Variants in NMBR observed in about 807,000 individuals in gnomAD.
NMBR encodes neuromedin-B receptor.
A neutral mutation model predicts 20.5 loss-of-function variants in NMBR; 16 were observed. The observed-to-expected ratio is 0.78, with a 90% confidence interval of 0.53 to 1.19. The LOEUF is 1.19. Ranked by LOEUF, NMBR falls within the 50% of genes most tolerant of loss-of-function variation. The pLI is 0.00. For missense variants in NMBR, 582 were observed against 499.1 expected (o/e 1.17, Z -1.58); for synonymous variants, 212 against 196.6 (o/e 1.08, Z -0.65).
intron 1 of NMBR, among the ~76,000 whole-genome samples, chr6:142,115,101 C>G (rs191004330): frequency 6.6e-6 from 1 of 152,094 alleles, no homozygotes; most frequent in African/African-American, 2.4e-5. Flanking sequence ...TCAGGACTTT[C>G]TGCTCAAATC....
chr6:142,081,476 C>T (rs1354055231), intron 2 of NMBR, among the ~76,000 whole-genome samples: 1 of 152,072 alleles, frequency 6.6e-6, no homozygotes, highest in Non-Finnish European at 1.5e-5. Flanking sequence ...TGAGCCACCT[C>T]CTGCAAGAAA....
At chr6:142,081,554 C>T (rs1005414479) in intron 2 of NMBR, among the ~76,000 whole-genome samples, 1 of 152,030 alleles carries the variant, frequency 6.6e-6, no homozygotes, top group African/African-American at 2.4e-5. Context: ...GAAAATCCTA[C>T]AAAAACAGAA....
At chr6:142,102,712 T>C (rs1777586892) in intron 1 of NMBR, among the ~76,000 whole-genome samples, 1 of 152,178 alleles carries the variant, frequency 6.6e-6, no homozygotes, top group Admixed American at 6.5e-5. Context: ...TTCTCACTAA[T>C]TATGAGGCAA....
At position 142,105,323 on chromosome 6, in the gene NMBR, T is replaced by A. The variant is rs559162538; in HGVS notation, c.-663-16002A>T. Among the ~76,000 whole-genome samples the A allele has an allele frequency of 2.6e-5, 4 of 152,296 alleles. No individual in the cohort carries two copies. The East Asian group carries it at 7.7e-4, about 29-fold the overall frequency. On this transcript the variant is annotated intron_variant, in intron 1 of 3. Transcript: ENST00000258042. Reference sequence around the variant, plus strand: ...GTCACAGGCGATATGATGGCTTAGCTTGGGCTCAGAGGCCTGACAATTAAT... The same window carrying A: ...GTCACAGGCGATATGATGGCTTAGCATGGGCTCAGAGGCCTGACAATTAAT...
At chr6:142,124,559 T>G (rs928695486) in intron 1 of NMBR, among the ~76,000 whole-genome samples, 1 of 151,886 alleles carries the variant, frequency 6.6e-6, no homozygotes, top group Non-Finnish European at 1.5e-5. Context: ...AAATGCACTC[T>G]CAAGTCTTCT....
intron 1 of NMBR, among the ~76,000 whole-genome samples, chr6:142,113,965 A>G (rs1220254971): frequency 6.6e-6 from 1 of 152,168 alleles, no homozygotes; most frequent in Non-Finnish European, 1.5e-5. Flanking sequence ...TGTAACAGAA[A>G]TCATCCTTTT....
chr6:142,087,456 T>A (rs1313794531), intron 2 of NMBR, among the ~76,000 whole-genome samples: 1 of 152,226 alleles, frequency 6.6e-6, no homozygotes, highest in Non-Finnish European at 1.5e-5. Flanking sequence ...GACTTGGATT[T>A]TCCTCCCTGG....
intron 1 of NMBR, among the ~76,000 whole-genome samples, chr6:142,118,075 A>G (rs2114595433): frequency 6.6e-6 from 1 of 152,098 alleles, no homozygotes; most frequent in Non-Finnish European, 1.5e-5. Flanking sequence ...GAAAAAAAGA[A>G]AAGAAAACTG....
chr6:142,082,622 A>G (rs926290012), intron 2 of NMBR, among the ~76,000 whole-genome samples: 3 of 152,204 alleles, frequency 2.0e-5, no homozygotes, highest in Non-Finnish European at 2.9e-5. Context: ...AGCCGGGTTT[A>G]GAAACCATGT....
intron 1 of NMBR, among the ~76,000 whole-genome samples, chr6:142,097,516 T>G (rs188426015): frequency 6.6e-6 from 1 of 152,216 alleles, no homozygotes; most frequent in Admixed American, 6.6e-5. Flanking sequence ...TAAGTGAAAA[T>G]GCTCCTCGAC....
rs1355824886 is a variant in NMBR at position 142,088,974 on chromosome 6, C to A, written c.-316G>T. 1.3e-5 allele frequency among the ~76,000 whole-genome samples: 2 copies of A among 151,734 alleles called. No individual in the cohort carries two copies. Among genetic ancestry groups the A allele is most frequent in the African/African-American group, 4.8e-5 (2 of 41,298 alleles). ...GTGGTTTGTTCTCGCGGTTATCTAGCGGAAAACAGCCTTTCAGGAACAAGG... is the reference window on the plus strand; with the variant it reads ...GTGGTTTGTTCTCGCGGTTATCTAGAGGAAAACAGCCTTTCAGGAACAAGG... On this transcript the variant is annotated 5_prime_UTR_variant, in exon 2 of 4. Transcript: ENST00000258042.
chr6:142,079,154 G>GAAAGAAAAAGAA (rs1562390312), intron 2 of NMBR, among the ~76,000 whole-genome samples: 4 of 76,544 alleles, frequency 5.2e-5, no homozygotes, highest in African/African-American at 2.9e-4. Flanking sequence ...AAAGAAGAGA[G>GAAAGAAAAAGAA]GAGAGGAGAG....
In NMBR at chr6:142,099,888, A is replaced by G. The variant is rs188469113; in HGVS notation, c.-663-10567T>C. On this transcript the variant is annotated intron_variant, in intron 1 of 3. Transcript: ENST00000258042. ...CATCAGTAAAAAAATAAAAAATCCA[A>G]TGAAAAAGAGGACAAAACACCTTAA... Among the ~76,000 whole-genome samples, 583 of 152,302 alleles carry G rather than the reference A, an allele frequency of 3.8e-3. 4 individuals are homozygous for G. Among genetic ancestry groups the G allele is most frequent in the African/African-American group, 0.013 (527 of 41,562 alleles).
intron 1 of NMBR, among the ~76,000 whole-genome samples, chr6:142,112,383 G>A (rs1203290083): frequency 6.6e-6 from 1 of 152,112 alleles, no homozygotes; most frequent in Non-Finnish European, 1.5e-5. Context: ...GAACAACTAG[G>A]CTTAGTTTTC....
chr6:142,145,927 T>C (rs1778424709), intron 1 of NMBR, among the ~76,000 whole-genome samples: 1 of 152,094 alleles, frequency 6.6e-6, no homozygotes, highest in East Asian at 1.9e-4. Context: ...CAAGAAGTAA[T>C]AGGAAACAAA....
rs555708739 is a variant in NMBR, at chr6:142,129,235, G to A, written c.-664+17809C>T. Among the ~76,000 whole-genome samples the A allele has an allele frequency of 3.0e-3, 459 of 151,950 alleles. 1 individual carries two copies. The highest frequency in any genetic ancestry group is 0.011 in the African/African-American group (445 of 41,470). On this transcript the variant is annotated intron_variant, in intron 1 of 3. Transcript: ENST00000258042. ...TTTAGAATAGTACTGGCATATAGTA[G>A]TGATTAATAAATGTCAGCAACTTTT...
intron 1 of NMBR, among the ~76,000 whole-genome samples, chr6:142,138,347 C>T (rs191531274): frequency 7.9e-5 from 12 of 152,180 alleles, no homozygotes; most frequent in Admixed American, 3.3e-4. Context: ...CATGAAAGCA[C>T]AGGAGAAAAT....
chr6:142,083,977 T>C (rs1243297557), intron 2 of NMBR, among the ~76,000 whole-genome samples: 2 of 152,166 alleles, frequency 1.3e-5, no homozygotes, highest in African/African-American at 4.8e-5. Flanking sequence ...TTGGTGCCAA[T>C]CTCACTACCA....
At position 142,083,959 on chromosome 6, in the gene NMBR, G is replaced by T. The variant is rs372377081; in HGVS notation, c.422+4278C>A. 2.0e-5 allele frequency among the ~76,000 whole-genome samples: 3 copies of T among 152,280 alleles called. No homozygotes were observed. The South Asian group carries it at 6.2e-4, about 32-fold the overall frequency. On this transcript the variant is annotated intron_variant, in intron 2 of 3. Coordinates refer to ENST00000258042, the MANE Select transcript of NMBR (RefSeq NM_002511.4). ...GTGTGGACTATTGTTCTAAAGAGAAGCACACTCTTGGTGCCAATCTCACTA... is the reference window on the plus strand; with the variant it reads ...GTGTGGACTATTGTTCTAAAGAGAATCACACTCTTGGTGCCAATCTCACTA...
Sources: allele counts gnomAD v4.1 joint callset (sites outside exome capture counted in the v4.1 genomes callset), GRCh38; gene constraint gnomAD v4.1.1; transcripts MANE v1.5; gene names NCBI Gene and HGNC (gene_info 2026-07-23, HGNC 2026-07-21).